Variants in SEMA6B observed in about 807,000 individuals in gnomAD.
SEMA6B encodes the protein semaphorin-6B.
SEMA6B carries 47 observed loss-of-function variants against 78.6 expected under a neutral mutation model. That is an observed-to-expected ratio of 0.60 (90% CI 0.47 to 0.76). The LOEUF (loss-of-function observed/expected upper bound fraction) is 0.76. SEMA6B is among the 30% of genes least tolerant of loss of function. SEMA6B has a pLI of 0.00. For synonymous variants in SEMA6B, 632 were observed against 592.2 expected (o/e 1.07, Z -0.98); for missense variants, 1,213 against 1,269.9 (o/e 0.96, Z 0.68).
intron 3 of SEMA6B, 90 bp downstream of exon 3, chr19:4,557,936 C>G: frequency 1.7e-6 from 2 of 1,152,228 alleles, no homozygotes; most frequent in Non-Finnish European, 2.3e-6. Context: ...GCACGACCTG[C>G]TCCATCCCCT....
chr19:4,547,971 C>T (rs1205956884), intron 14 of SEMA6B, 56 bp downstream of exon 14: 2 of 1,492,024 alleles, frequency 1.3e-6, no homozygotes, highest in Non-Finnish European at 1.8e-6. Flanking sequence ...GCTGTCCCTC[C>T]CTGTGCCCAT....
At position 4,554,888 on chromosome 19, in the gene SEMA6B, C is replaced by G; in HGVS notation, c.682+88G>C. 2.0e-6 allele frequency: 3 copies of G among 1,483,672 alleles called. No individual in the cohort carries two copies. In the South Asian group the frequency reaches 3.7e-5, roughly 18 times the overall value. 91.9% of individuals were successfully genotyped at this position (1,483,672 alleles called of 1,614,324 possible). On this transcript the variant is annotated intron_variant, in intron 8 of 16. Transcript: ENST00000586582. ...GTGGAAATCTCTCCACCAAGCTCCT[C>G]TGGGACTCTTATTCTGGTGGGGAGA... is the stretch of plus-strand genomic sequence containing the variant.
chr19:4,550,312 T>TTC lies in SEMA6B; in HGVS notation c.1122-42_1122-41dup. ...GGTGTGGTCAGGACGAACGTAAAGG[T>TTC]TCTCATAAAGGGGCCTGATTCACCA... On this transcript the variant is annotated intron_variant, in intron 11 of 16. Transcript: ENST00000586582. The surrounding 1 kb of genome is among the most constrained non-coding windows in gnomAD (Gnocchi z 6.6). 1 of 1,607,332 alleles carries TTC rather than the reference T, an allele frequency of 6.2e-7. No homozygotes were observed. The highest frequency in any genetic ancestry group is 8.5e-7 in the Non-Finnish European group (1 of 1,175,626).
At chr19:4,553,607 A>G (rs563266297) in intron 9 of SEMA6B, among the ~76,000 whole-genome samples, 1 of 147,696 alleles carries the variant, frequency 6.8e-6, no homozygotes, top group South Asian at 2.2e-4. Context: ...ATGGATTGGC[A>G]GATGGATGGA....
At chr19:4,556,143 A>G (rs1435143816) in intron 5 of SEMA6B, 54 bp from the exon 6 acceptor site, 7 of 1,307,858 alleles carry the variant, frequency 5.4e-6, no homozygotes, top group African/African-American at 2.9e-5. Context: ...GGTCATGGTG[A>G]TGGGCGTGGC....
Position 4,555,481 on chromosome 19 carries a change from G to T in SEMA6B, c.555C>A (p.Leu185=), listed in dbSNP as rs1310114874. The change falls in exon 7 of 17, where the codon CTC becomes CTA. Residue 185 remains leucine, a synonymous_variant. Coordinates refer to ENST00000586582, the MANE Select transcript of SEMA6B (RefSeq NM_032108.4). This position sits in a 1 kb window ranked among gnomAD's most constrained non-coding sequence, Gnocchi z 6.1. ...GGTTGGGGGGGTACTTACCAGAGAA[G>T]AGGGCAACATTGGCGTGCTTGGGGT... ...PYDPKHANVA[L]FSDGMLFTAT... 1 of 1,612,090 alleles carries T rather than the reference G, an allele frequency of 6.2e-7. No homozygotes were observed. The highest frequency in any genetic ancestry group is 8.5e-7 in the Non-Finnish European group (1 of 1,179,170).
Position 4,543,007 on chromosome 19 carries a change from T to A in SEMA6B, c.*594A>T, listed in dbSNP as rs1977058309. 1 of 693,638 alleles carries A rather than the reference T, an allele frequency of 1.4e-6. No homozygotes were observed. Among genetic ancestry groups the A allele is most frequent in the Admixed American group, 2.0e-5 (1 of 49,700 alleles). The allele number at this position is 693,638 out of a possible 1,614,324, so 43.0% of individuals were successfully genotyped here. On this transcript the variant is annotated 3_prime_UTR_variant, in exon 17 of 17. Coordinates refer to ENST00000586582, the MANE Select transcript of SEMA6B (RefSeq NM_032108.4). ...GCCCAGGCCGCTGGGGCCACCACGA[T>A]CGTCGCTCGTGGACACACACCCTGC...
chr19:4,556,864 T>C (rs976541463), intron 5 of SEMA6B, 87 bp downstream of exon 5: 5 of 1,078,958 alleles, frequency 4.6e-6, no homozygotes, highest in Middle Eastern at 2.8e-4. Flanking sequence ...GCTGGCGGGG[T>C]GGGCGTGGCC....
chr19:4,544,016 A>G lies in SEMA6B; in HGVS notation c.2252T>C (p.Leu751Pro). The part of the protein sequence containing the change: ...LLPASASSSL[L>P]LLAPARAPEQ... ...GGGGGCCCGGGCGGGCGCCAGCAGC[A>G]GGAGGGAGGATGAAGCGGAGGCCGG... Residue 751 changes from leucine to proline, a missense_variant, in exon 17 of 17, where the codon CTG becomes CCG. Coordinates refer to ENST00000586582, the MANE Select transcript of SEMA6B (RefSeq NM_032108.4). This position sits in a 1 kb window ranked among gnomAD's most constrained non-coding sequence, Gnocchi z 5.1. 2 of 1,212,466 alleles carry G rather than the reference A, an allele frequency of 1.6e-6. No individual in the cohort carries two copies. The highest frequency in any genetic ancestry group is 2.0e-6 in the Non-Finnish European group (2 of 976,446). 75.1% of individuals were successfully genotyped at this position (1,212,466 alleles called of 1,614,324 possible). A position where few individuals can be genotyped will look rare whatever the true frequency, so the allele number is the denominator to read the frequency against.
chr19:4,552,530 A>G lies in SEMA6B; in HGVS notation c.881T>C (p.Val294Ala), dbSNP rs1270456503. The change falls in exon 10 of 17, where the codon GTA becomes GCA. Residue 294 changes from valine (V) to alanine (A), a missense_variant. By Grantham distance (64) the Val-to-Ala change is moderately conservative. Coordinates refer to ENST00000586582, the MANE Select transcript of SEMA6B (RefSeq NM_032108.4). This position sits in a 1 kb window ranked among gnomAD's most constrained non-coding sequence, Gnocchi z 7.4. ...SFLKARLNCS[V>A]PGDSHFYFNV... is the part of the protein sequence containing the mutation. The stretch of plus-strand genomic sequence containing the variant: ...GAAGTAGAAATGGGAGTCTCCGGGT[A>G]CAGAGCAGTTGAGCCGCGCCTTCAG... 9 of 1,612,928 alleles carry G rather than the reference A, an allele frequency of 5.6e-6. No homozygotes were observed. The highest frequency in any genetic ancestry group is 7.6e-6 in the Non-Finnish European group (9 of 1,179,982).
At chr19:4,545,681 CTCT>C (rs1021582895) in intron 16 of SEMA6B, 4 of 153,170 alleles carry the variant, frequency 2.6e-5, no homozygotes, top group African/African-American at 9.7e-5. Context: ...CTTCTGTTGT[CTCT>C]TCGTCCTTGC....
rs373974219 is a variant in SEMA6B, at chr19:4,557,006, G to A, written c.314C>T (p.Thr105Ile). The change falls in exon 5 of 17, where the codon ACC (threonine) becomes ATC (isoleucine). Residue 105 changes from threonine (T) to isoleucine (I), a missense_variant. Coordinates refer to ENST00000586582, the MANE Select transcript of SEMA6B (RefSeq NM_032108.4). The stretch of plus-strand genomic sequence containing the variant: ...TATGTCGCTGGGGTTAGATCTCCAG[G>A]TCAGCTTCTGCAGACAGAGAGAGCT... ...STELRYQRKL[T>I]WRSNPSDINV... is the part of the protein sequence containing the mutation. The A allele has an allele frequency of 3.2e-5, 51 of 1,613,088 alleles. No individual in the cohort carries two copies. The African/African-American group carries it at 6.5e-4, about 21-fold the overall frequency.
chr19:4,557,935 G>A (rs1977516396), intron 3 of SEMA6B, 91 bp downstream of exon 3: 1 of 1,147,174 alleles, frequency 8.7e-7, no homozygotes, highest in African/African-American at 1.6e-5. Context: ...TGCACGACCT[G>A]CTCCATCCCC....
chr19:4,552,468 C>T lies in SEMA6B; in HGVS notation c.943G>A (p.Gly315Arg), dbSNP rs1411394072. The change falls in exon 10 of 17, where the codon GGG (glycine) becomes AGG (arginine). Residue 315 changes from glycine (G) to arginine (R), a missense_variant. Gly to Arg is a moderately radical substitution (Grantham distance 125, BLOSUM62 -2). Transcript: ENST00000586582. The surrounding 1 kb of genome is among the most constrained non-coding windows in gnomAD (Gnocchi z 7.4). ...ACGGCCAGGACCACGGGCCGGCCCC[C>T]GAGGCTGACCACGCCCGTGACAGCC... is the stretch of plus-strand genomic sequence containing the variant. ...LQAVTGVVSL[G>R]GRPVVLAVFS... 1.1e-5 allele frequency: 17 copies of T among 1,608,020 alleles called. No individual in the cohort carries two copies. The highest frequency in any genetic ancestry group is 1.7e-5 in the Admixed American group (1 of 59,276).
chr19:4,551,080 GC>G (rs1977319486), intron 10 of SEMA6B, 150 bp from the exon 11 acceptor site: 1 of 858,592 alleles, frequency 1.2e-6, no homozygotes, highest in East Asian at 2.6e-5. Context: ...TCTGTCGAAT[GC>G]AGCCACTCCT....
rs1456312348 is a variant in SEMA6B, at chr19:4,557,011, C to T, written c.309G>A (p.Lys103=). 2 of 1,612,942 alleles carry T rather than the reference C, an allele frequency of 1.2e-6. No homozygotes were observed. The highest frequency in any genetic ancestry group is 2.2e-5 in the South Asian group (2 of 90,922). ...CGCTGGGGTTAGATCTCCAGGTCAG[C>T]TTCTGCAGACAGAGAGAGCTGGTGA... ...PTSTELRYQR[K]LTWRSNPSDI... is the part of the protein sequence containing the mutation. The change falls in exon 5 of 17, where the codon AAG becomes AAA. Residue 103 remains lysine, a splice_region_variant and synonymous_variant. Coordinates refer to ENST00000586582, the MANE Select transcript of SEMA6B (RefSeq NM_032108.4).
Position 4,544,438 on chromosome 19 carries a change from T to C in SEMA6B, c.1830A>G (p.Gly610=). ...VTSSVAAFVV[G]AVVSGFSVGW... ...CCACGCTGAAGCCGGACACCACGGC[T>C]CCCACCACGAAGGCCGCCACCGACG... The change falls in exon 17 of 17, where the codon GGA becomes GGG. Residue 610 remains glycine, a synonymous_variant. Coordinates refer to ENST00000586582, the MANE Select transcript of SEMA6B (RefSeq NM_032108.4). This position sits in a 1 kb window ranked among gnomAD's most constrained non-coding sequence, Gnocchi z 5.1. 1.3e-6 allele frequency: 2 copies of C among 1,597,702 alleles called. No individual in the cohort carries two copies. Among genetic ancestry groups the C allele is most frequent in the East Asian group, 2.3e-5 (1 of 43,580 alleles).
At chr19:4,551,603 G>A (rs147788790) in intron 10 of SEMA6B, among the ~76,000 whole-genome samples, 4,916 of 151,526 alleles carry the variant, frequency 0.032, 127 homozygotes, top group East Asian at 0.14. Flanking sequence ...AGGCTGAGGC[G>A]GGTGGATCAC....
chr19:4,547,134 A>AT (rs764950107), intron 14 of SEMA6B, among the ~76,000 whole-genome samples: 1,747 of 135,374 alleles, frequency 0.013, 19 homozygotes, highest in East Asian at 0.037. Flanking sequence ...TGATTTTTGC[A>AT]TTTTTTTTTT....
Sources: allele counts gnomAD v4.1 joint callset (sites outside exome capture counted in the v4.1 genomes callset), GRCh38; gene constraint gnomAD v4.1.1; non-coding constraint Gnocchi (gnomAD v3.1); transcripts MANE v1.5; gene names NCBI Gene and HGNC (gene_info 2026-07-23, HGNC 2026-07-21).